Variants in MED15 observed in about 807,000 individuals in gnomAD.
MED15 encodes the protein mediator complex subunit 15.
In MED15, 41 loss-of-function variants were observed where a neutral mutation model predicts 118.7. That is an observed-to-expected ratio of 0.35 (90% confidence interval 0.27 to 0.45). MED15 has a LOEUF of 0.45. MED15 is among the 20% of genes least tolerant of loss of function. The probability of loss-of-function intolerance (pLI) is 1.00; values close to 1 mark genes in which losing one functional copy is unlikely to be tolerated. For synonymous variants in MED15, 436 were observed against 413.9 expected, an observed-to-expected ratio of 1.05 and a Z score of -0.65; for missense variants, 740 against 1,025.5, an observed-to-expected ratio of 0.72 and a Z score of 3.80.
intron 1 of MED15, among the ~76,000 whole-genome samples, chr22:20,514,249 T>G (rs942697562): frequency 7.9e-5 from 12 of 152,194 alleles, no homozygotes; most frequent in Admixed American, 2.0e-4. Context: ...CTGGCCTTTT[T>G]GGGGCTTGGA....
intron 5 of MED15, among the ~76,000 whole-genome samples, chr22:20,561,532 A>G (rs1601587785): frequency 1.3e-5 from 2 of 152,136 alleles, no homozygotes; most frequent in Non-Finnish European, 1.5e-5. Context: ...AAAAAAAAGG[A>G]AAGGAAAGAC....
intron 4 of MED15, 21 bp from the exon 5 acceptor site, chr22:20,554,915 T>C: frequency 2.5e-6 from 4 of 1,582,264 alleles, no homozygotes; most frequent in Non-Finnish European, 3.4e-6. Flanking sequence ...CCTGAGAAGC[T>C]CTGCCCTTGT....
chr22:20,579,564 GCCTTGCCTGA>G (rs1569246384), intron 9 of MED15, among the ~76,000 whole-genome samples: 1 of 152,104 alleles, frequency 6.6e-6, no homozygotes, highest in East Asian at 1.9e-4. Flanking sequence ...AGTGCCGCCA[GCCTTGCCTGA>G]GGGTTCCTCT....
At chr22:20,551,824 ACT>A in intron 3 of MED15, 1 of 327,478 alleles carries the variant, frequency 3.1e-6, no homozygotes, top group Non-Finnish European at 5.7e-6. Flanking sequence ...TGGAACAGAA[ACT>A]CTCTTCCCTA....
intron 2 of MED15, among the ~76,000 whole-genome samples, chr22:20,547,902 G>C (rs1044872204): frequency 6.6e-6 from 1 of 152,174 alleles, no homozygotes; most frequent in East Asian, 1.9e-4. Context: ...AGGAGGCTGA[G>C]GTGGGGAGGC....
chr22:20,525,611 A>G (rs2054613533), intron 1 of MED15, among the ~76,000 whole-genome samples: 1 of 139,168 alleles, frequency 7.2e-6, no homozygotes, highest in African/African-American at 2.8e-5. Context: ...ATCTCAGCTC[A>G]CTGCAAACTC....
chr22:20,586,436 G>C (rs2057137324), intron 17 of MED15, 132 bp from the exon 18 acceptor site: 12 of 1,328,252 alleles, frequency 9.0e-6, no homozygotes, highest in Middle Eastern at 1.9e-4. Flanking sequence ...AGGCCGGGCA[G>C]CGTGCAGGAC....
At chr22:20,569,523 G>A (rs1343423994) in intron 8 of MED15, among the ~76,000 whole-genome samples, 1 of 152,204 alleles carries the variant, frequency 6.6e-6, no homozygotes, top group South Asian at 2.1e-4. Flanking sequence ...CCTGCTGGGC[G>A]CAGCGCCTGG....
chr22:20,586,747 A>C lies in MED15; in HGVS notation c.*43A>C. On this transcript the variant is annotated 3_prime_UTR_variant, in exon 18 of 18. Coordinates refer to ENST00000263205, the MANE Select transcript of MED15 (RefSeq NM_001003891.3). The stretch of plus-strand genomic sequence containing the variant: ...GCCCGCAGCCTCATCGGGGCCAAGG[A>C]CACACGCCTCCTGTCAGACACTTCT... 6.2e-7 allele frequency: 1 copy of C among 1,605,666 alleles called. No homozygotes were observed. The highest frequency in any genetic ancestry group is 8.5e-7 in the Non-Finnish European group (1 of 1,177,468).
At chr22:20,535,734 T>C (rs1601508951) in intron 1 of MED15, among the ~76,000 whole-genome samples, 1 of 151,744 alleles carries the variant, frequency 6.6e-6, no homozygotes, top group East Asian at 1.9e-4. Flanking sequence ...TAATTTTTTG[T>C]ATTTTTAGTA....
At chr22:20,528,998 G>C (rs1365349710) in intron 1 of MED15, among the ~76,000 whole-genome samples, 1 of 152,070 alleles carries the variant, frequency 6.6e-6, no homozygotes, top group Non-Finnish European at 1.5e-5. Context: ...CCTCAACCTG[G>C]CAAAGACCTA....
At chr22:20,579,371 T>A (rs2056911864) in intron 9 of MED15, among the ~76,000 whole-genome samples, 1 of 152,144 alleles carries the variant, frequency 6.6e-6, no homozygotes, top group African/African-American at 2.4e-5. Flanking sequence ...GCCCTTCATT[T>A]GTTTTTCTTC....
intron 13 of MED15, 185 bp downstream of exon 13, chr22:20,583,578 A>G (rs1269431910): frequency 8.8e-6 from 6 of 678,830 alleles, no homozygotes; most frequent in Non-Finnish European, 1.5e-5. Flanking sequence ...ATCTTGGCCC[A>G]TGCCCAGCCT....
intron 8 of MED15, among the ~76,000 whole-genome samples, chr22:20,572,787 G>T (rs2056706011): frequency 6.6e-6 from 1 of 152,176 alleles, no homozygotes; most frequent in Non-Finnish European, 1.5e-5. Context: ...TAGCTGGGCG[G>T]AGTGGTGCGT....
intron 1 of MED15, 52 bp from the exon 2 acceptor site, chr22:20,537,065 A>G (rs1018121172): frequency 4.5e-6 from 7 of 1,546,298 alleles, no homozygotes; most frequent in Non-Finnish European, 6.2e-6. Flanking sequence ...AGGGCCCTGC[A>G]GCGGTGGAGT....
At chr22:20,564,913 C>A (rs2056380764) in intron 6 of MED15, among the ~76,000 whole-genome samples, 1 of 152,200 alleles carries the variant, frequency 6.6e-6, no homozygotes. Flanking sequence ...GGCGGATCAT[C>A]AGGAGTTCAA....
Position 20,555,938 on chromosome 22 carries a change from A to T in MED15, c.451+790A>T, listed in dbSNP as rs189868823. On this transcript the variant is annotated intron_variant, in intron 5 of 17. Transcript: ENST00000263205. Reference sequence around the variant, plus strand: ...GGACTTCACCATGTTGCCCAGGCTTATCTTGAACTCCTGGGCTCAAGCGAT... The same window carrying T: ...GGACTTCACCATGTTGCCCAGGCTTTTCTTGAACTCCTGGGCTCAAGCGAT... Among the ~76,000 whole-genome samples, 1,321 of 152,106 alleles carry T rather than the reference A, an allele frequency of 8.7e-3. 10 individuals carry two copies. Among genetic ancestry groups the T allele is most frequent in the Non-Finnish European group, 0.015 (1,048 of 67,976 alleles).
At chr22:20,554,821 A>AG in intron 4 of MED15, 115 bp from the exon 5 acceptor site, 1 of 1,006,678 alleles carries the variant, frequency 9.9e-7, no homozygotes, top group Non-Finnish European at 1.5e-6. Context: ...TGGGGCTGTG[A>AG]GGGGATTGAG....
At chr22:20,526,045 G>T (rs963152503) in intron 1 of MED15, among the ~76,000 whole-genome samples, 1 of 151,388 alleles carries the variant, frequency 6.6e-6, no homozygotes, top group Admixed American at 6.6e-5. Context: ...CTCAGCCCCC[G>T]AGTTTCTGGG....
Sources: gnomAD v4.1 joint callset for allele counts (sites outside exome capture counted in the v4.1 genomes callset) on GRCh38, gnomAD v4.1.1 for gene constraint, MANE v1.5 for transcripts, NCBI Gene and HGNC (gene_info 2026-07-23, HGNC 2026-07-21) for gene names.